Variants in PTPRG observed in about 807,000 individuals in gnomAD.
PTPRG encodes receptor-type tyrosine-protein phosphatase gamma.
A neutral mutation model predicts 165.3 loss-of-function variants in PTPRG; 102 were observed. That is an observed-to-expected ratio of 0.62 (90% CI 0.53 to 0.73). The LOEUF (loss-of-function observed/expected upper bound fraction) is 0.73. Ranked by LOEUF, PTPRG falls within the 30% of genes least tolerant of loss-of-function variation. The pLI, the probability that PTPRG is intolerant of heterozygous loss-of-function variation, is 0.00. For missense variants in PTPRG, 1,866 were observed against 1,861.4 expected (o/e 1.00, Z -0.05); for synonymous variants, 675 against 669.5 (o/e 1.01, Z -0.13).
intron 29 of PTPRG, among the ~76,000 whole-genome samples, chr3:62,292,934 CTGAGAAT>C (rs1304894605): frequency 6.6e-6 from 1 of 152,102 alleles, no homozygotes; most frequent in Non-Finnish European, 1.5e-5. Context: ...ACAATCAGCA[CTGAGAAT>C]TGGTTCCAAG....
Position 62,293,171 on chromosome 3 carries a change from A to C in PTPRG, c.4202A>C (p.Gln1401Pro). 1 of 1,591,970 alleles carries C rather than the reference A, an allele frequency of 6.3e-7. No individual in the cohort carries two copies. The highest frequency in any genetic ancestry group is 8.5e-7 in the Non-Finnish European group (1 of 1,172,578). ...CCTCTTGTTTTTCAGGAACAATACCAGTTCATCTATAAAGCAATGCTTAGC... is the reference window on the plus strand; with the variant it reads ...CCTCTTGTTTTTCAGGAACAATACCCGTTCATCTATAAAGCAATGCTTAGC... ...PGVFTDIEQY[Q>P]FIYKAMLSLV... Residue 1401 changes from glutamine to proline, a missense_variant, in exon 30 of 30, where the codon CAG becomes CCG. Physicochemically the swap from Gln to Pro is moderately conservative, Grantham distance 76. This residue lies in a region of PTPRG where 1,452 missense variants were observed against 1,463.0 expected (regional missense o/e 0.99). Coordinates refer to ENST00000474889, the MANE Select transcript of PTPRG (RefSeq NM_002841.4).
At chr3:61,642,640 T>G (rs1702098115) in intron 1 of PTPRG, among the ~76,000 whole-genome samples, 1 of 152,236 alleles carries the variant, frequency 6.6e-6, no homozygotes, top group Non-Finnish European at 1.5e-5. Context: ...CTACACTCTT[T>G]GGGGAGCCCC....
At chr3:61,747,734 T>G (rs1469898356) in intron 1 of PTPRG, among the ~76,000 whole-genome samples, 1 of 152,214 alleles carries the variant, frequency 6.6e-6, no homozygotes, top group African/African-American at 2.4e-5. Flanking sequence ...GCGTTGTGTT[T>G]TCCTGGTCCC....
chr3:62,167,188 A>G (rs985215967), intron 7 of PTPRG, among the ~76,000 whole-genome samples: 2 of 152,196 alleles, frequency 1.3e-5, no homozygotes, highest in Non-Finnish European at 2.9e-5. Context: ...TTTATAAGGT[A>G]AGTATTATTA....
chr3:61,625,227 A>AG (rs1269544183), intron 1 of PTPRG, among the ~76,000 whole-genome samples: 2 of 151,488 alleles, frequency 1.3e-5, no homozygotes, highest in Admixed American at 6.6e-5. Context: ...ACCTTTTTTA[A>AG]GGGGGGATAT....
At chr3:61,954,407 G>A (rs1575819851) in intron 2 of PTPRG, among the ~76,000 whole-genome samples, 1 of 152,270 alleles carries the variant, frequency 6.6e-6, no homozygotes, top group East Asian at 1.9e-4. Flanking sequence ...TGGTGATGGT[G>A]TTGAAACACA....
At chr3:61,813,474 C>A (rs1173729511) in intron 2 of PTPRG, among the ~76,000 whole-genome samples, 1 of 145,584 alleles carries the variant, frequency 6.9e-6, no homozygotes, top group African/African-American at 2.6e-5. Context: ...TGAGATCGTG[C>A]CACTGCACTC....
At chr3:61,962,422 T>C (rs9815573) in intron 2 of PTPRG, among the ~76,000 whole-genome samples, 38,801 of 152,060 alleles carry the variant, frequency 0.26, 5,487 homozygotes, top group African/African-American at 0.38. Context: ...ACCTCTTGAG[T>C]ACAACTTTGC....
chr3:62,211,750 G>A (rs374684882), intron 12 of PTPRG, among the ~76,000 whole-genome samples: 28 of 152,240 alleles, frequency 1.8e-4, no homozygotes, highest in East Asian at 5.8e-4. Context: ...ACACCAGAGC[G>A]GTTCTTGTCC....
intron 6 of PTPRG, among the ~76,000 whole-genome samples, chr3:62,147,262 T>C (rs530555655): frequency 6.6e-6 from 1 of 152,182 alleles, no homozygotes; most frequent in South Asian, 2.1e-4. Context: ...AGTCTTGGGG[T>C]GCAGGTCAGT....
chr3:61,880,936 T>C (rs2037871488), intron 2 of PTPRG, among the ~76,000 whole-genome samples: 1 of 146,718 alleles, frequency 6.8e-6, no homozygotes. Flanking sequence ...AGAGAGACCA[T>C]GCTATGCTGT....
At chr3:61,756,483 T>G (rs1375167850) in intron 2 of PTPRG, among the ~76,000 whole-genome samples, 1 of 152,158 alleles carries the variant, frequency 6.6e-6, no homozygotes, top group Non-Finnish European at 1.5e-5. Context: ...CCTGGAGAAT[T>G]TTTCAATACT....
rs564254874 is a variant in PTPRG, at chr3:61,715,073, G to T, written c.86-33805G>T. ...CTGGTCATGGGCAAGGAATTCCAGA[G>T]GCTGGGAAGTGAGTGCTAGAGGACA... On this transcript the variant is annotated intron_variant, in intron 1 of 29. Transcript: ENST00000474889. Among the ~76,000 whole-genome samples, 55 of 152,306 alleles carry T rather than the reference G, an allele frequency of 3.6e-4. 1 individual carries two copies. In the South Asian group the frequency reaches 0.011, roughly 31 times the overall value.
At chr3:61,959,730 T>G (rs893447483) in intron 2 of PTPRG, among the ~76,000 whole-genome samples, 1 of 152,250 alleles carries the variant, frequency 6.6e-6, no homozygotes, top group Non-Finnish European at 1.5e-5. Flanking sequence ...AAATTTCTTA[T>G]GTTCACAACA....
At chr3:61,972,658 C>CT (rs60516628) in intron 2 of PTPRG, among the ~76,000 whole-genome samples, 30,141 of 137,588 alleles carry the variant, frequency 0.22, 3,444 homozygotes, top group African/African-American at 0.26. Context: ...TTTTTCTTTT[C>CT]TTTTTTTTTT....
intron 1 of PTPRG, among the ~76,000 whole-genome samples, chr3:61,605,615 C>G (rs747904441): frequency 2.0e-5 from 3 of 151,918 alleles, no homozygotes; most frequent in Non-Finnish European, 2.9e-5. Context: ...GTCACCTAGA[C>G]TGAAGTGCAG....
intron 2 of PTPRG, among the ~76,000 whole-genome samples, chr3:61,985,628 T>A (rs1252048557): frequency 6.6e-6 from 1 of 152,186 alleles, no homozygotes; most frequent in Non-Finnish European, 1.5e-5. Context: ...TTATGTCCCA[T>A]TTCTCAGCCC....
intron 2 of PTPRG, among the ~76,000 whole-genome samples, chr3:61,826,877 G>A (rs1448644104): frequency 1.4e-5 from 2 of 143,888 alleles, no homozygotes; most frequent in Non-Finnish European, 3.0e-5. Context: ...AACCTAACCT[G>A]TCCTGAAATC....
At chr3:61,608,961 G>T (rs1701088728) in intron 1 of PTPRG, among the ~76,000 whole-genome samples, 1 of 152,188 alleles carries the variant, frequency 6.6e-6, no homozygotes, top group African/African-American at 2.4e-5. Flanking sequence ...ATCTGCCATG[G>T]GGGCTCAGCA....
Sources: allele counts gnomAD v4.1 joint callset (sites outside exome capture counted in the v4.1 genomes callset), GRCh38; gene constraint gnomAD v4.1.1; regional missense constraint gnomAD v4.1.1; transcripts MANE v1.5; gene names NCBI Gene and HGNC (gene_info 2026-07-23, HGNC 2026-07-21).